TSPAN5: variants seen among roughly 807,000 people sequenced by gnomAD.
TSPAN5 encodes the protein tetraspanin 5.
TSPAN5 carries 10 observed loss-of-function variants against 37.1 expected under a neutral mutation model. That is an observed-to-expected ratio of 0.27 (90% CI 0.17 to 0.46). TSPAN5 has a LOEUF of 0.46. Among genes scored for constraint, TSPAN5 ranks in the 20% least tolerant of loss-of-function variants. The pLI, the probability that TSPAN5 is intolerant of heterozygous loss-of-function variation, is 1.00. For missense variants in TSPAN5, 195 were observed against 326.6 expected, an observed-to-expected ratio of 0.60 and a Z score of 3.11; for synonymous variants, 110 against 118.9, an observed-to-expected ratio of 0.93 and a Z score of 0.48.
chr4:98,487,022 TACTTAAGAGAGGAAAGAAAGAG>T, intron 2 of TSPAN5, 138 bp from the exon 3 acceptor site: 1 of 649,556 alleles, frequency 1.5e-6, no homozygotes, highest in Non-Finnish European at 2.4e-6. Context: ...ATGTGATTAA[TACTTAAGAGAGGAAAGAAAGAG>T]AGAGAGAAAG....
intron 1 of TSPAN5, among the ~76,000 whole-genome samples, chr4:98,556,042 CACACA>C (rs1560535906): frequency 4.4e-5 from 5 of 112,900 alleles, no homozygotes; most frequent in East Asian, 2.7e-4. Flanking sequence ...ACAGCACCCC[CACACA>C]CACACACACA....
chr4:98,610,700 T>C (rs1348089542), intron 1 of TSPAN5, among the ~76,000 whole-genome samples: 1 of 152,142 alleles, frequency 6.6e-6, no homozygotes, highest in Non-Finnish European at 1.5e-5. Context: ...AGGGCTACAG[T>C]AGGAATATAA....
chr4:98,507,830 T>G, intron 1 of TSPAN5, 102 bp from the exon 2 acceptor site: 1 of 804,704 alleles, frequency 1.2e-6, no homozygotes, highest in Non-Finnish European at 2.0e-6. Context: ...GGCTGGGAAA[T>G]AGCTTTTCCT....
At chr4:98,587,612 G>A (rs187711818) in intron 1 of TSPAN5, among the ~76,000 whole-genome samples, 5 of 152,272 alleles carry the variant, frequency 3.3e-5, no homozygotes, top group East Asian at 1.9e-4. Context: ...GGTGCTGGCC[G>A]GGCGCAGTGG....
chr4:98,626,802 G>A (rs1756611127), intron 1 of TSPAN5, among the ~76,000 whole-genome samples: 1 of 149,894 alleles, frequency 6.7e-6, no homozygotes. Context: ...ACTATCTAAT[G>A]ATCTAATGTA....
intron 1 of TSPAN5, among the ~76,000 whole-genome samples, chr4:98,540,117 G>A (rs1017348378): frequency 3.3e-5 from 5 of 152,186 alleles, no homozygotes; most frequent in African/African-American, 1.2e-4. Flanking sequence ...CAAACTATGG[G>A]AGATAAAAGT....
At chr4:98,490,573 T>TG (rs1197348544) in intron 2 of TSPAN5, among the ~76,000 whole-genome samples, 3 of 152,182 alleles carry the variant, frequency 2.0e-5, no homozygotes, top group Non-Finnish European at 4.4e-5. Context: ...TACAGCGTGC[T>TG]GGGGGGAACT....
intron 1 of TSPAN5, among the ~76,000 whole-genome samples, chr4:98,531,101 G>T (rs543314665): frequency 6.6e-6 from 1 of 151,916 alleles, no homozygotes; most frequent in Non-Finnish European, 1.5e-5. Flanking sequence ...TTTAAGTTCC[G>T]GAGTACATGT....
chr4:98,654,477 C>A (rs1331034600), intron 1 of TSPAN5, among the ~76,000 whole-genome samples: 3 of 152,226 alleles, frequency 2.0e-5, no homozygotes, highest in African/African-American at 7.2e-5. Flanking sequence ...TCTCCCTCCC[C>A]CAAACCCAAA....
intron 1 of TSPAN5, among the ~76,000 whole-genome samples, chr4:98,629,788 T>C (rs1228272950): frequency 6.6e-6 from 1 of 152,170 alleles, no homozygotes; most frequent in East Asian, 1.9e-4. Context: ...AAAAAGACTG[T>C]TGCTATTCAC....
chr4:98,632,867 C>G lies in TSPAN5; in HGVS notation c.81+25279G>C, dbSNP rs114060462. 2.6e-5 allele frequency among the ~76,000 whole-genome samples: 4 copies of G among 151,944 alleles called. No individual in the cohort carries two copies. In the South Asian group the frequency reaches 6.2e-4, roughly 24 times the overall value. On this transcript the variant is annotated intron_variant, in intron 1 of 7. Transcript: ENST00000305798. ...GGGCCCTGAAGGAGAAAGCACAGACCGGGAGGATTTGATGCTGCACCAAAA... is the reference window on the plus strand; with the variant it reads ...GGGCCCTGAAGGAGAAAGCACAGACGGGGAGGATTTGATGCTGCACCAAAA...
Position 98,629,532 on chromosome 4 carries a change from C to A in TSPAN5, c.81+28614G>T, listed in dbSNP as rs535557607. On this transcript the variant is annotated intron_variant, in intron 1 of 7. Transcript: ENST00000305798. ...CTCTGCTCTGGTTTGCAGAATGAAG[C>A]AGTCTCCTGGTCTTTTATCCAAAGC... Among the ~76,000 whole-genome samples the A allele has an allele frequency of 8.5e-5, 13 of 152,310 alleles. No individual in the cohort carries two copies. The South Asian group carries it at 2.7e-3, about 32-fold the overall frequency.
At chr4:98,639,174 C>T (rs897770454) in intron 1 of TSPAN5, among the ~76,000 whole-genome samples, 11 of 152,172 alleles carry the variant, frequency 7.2e-5, no homozygotes, top group Non-Finnish European at 1.3e-4. Context: ...ACTATCCTTA[C>T]GGGGTTCTTG....
chr4:98,470,384 T>C lies in TSPAN5; in HGVS notation c.*2138A>G, dbSNP rs1752555033. On this transcript the variant is annotated 3_prime_UTR_variant, in exon 8 of 8. Transcript: ENST00000305798. ...ACACCATGTAAGGTAGAACCAAGTT[T>C]ATTAATGACAGCCTTTATTACAATC... The C allele has an allele frequency of 6.6e-6, 1 of 152,252 alleles. No homozygotes were observed. Among genetic ancestry groups the C allele is most frequent in the South Asian group, 2.1e-4 (1 of 4,832 alleles). 9.4% of individuals were successfully genotyped at this position (152,252 alleles called of 1,614,324 possible).
chr4:98,541,787 TCA>T (rs1754366222), intron 1 of TSPAN5, among the ~76,000 whole-genome samples: 1 of 150,948 alleles, frequency 6.6e-6, no homozygotes. Context: ...GCAAATCACC[TCA>T]CCCATCTGGG....
chr4:98,478,878 G>C (rs1368278115), intron 4 of TSPAN5, 68 bp from the exon 5 acceptor site: 2 of 1,576,328 alleles, frequency 1.3e-6, no homozygotes, highest in South Asian at 2.2e-5. Context: ...ACTCACACCC[G>C]CCGAACGACA....
rs1753626176 is a variant in TSPAN5, at chr4:98,512,309, A to G, written c.82-4581T>C. Reference sequence around the variant, plus strand: ...TCAGAAAATCTGAATCCTTAGCCCAAGACCAAAACTATTATACTTTCCTAA... The same window carrying G: ...TCAGAAAATCTGAATCCTTAGCCCAGGACCAAAACTATTATACTTTCCTAA... On this transcript the variant is annotated intron_variant, in intron 1 of 7. Transcript: ENST00000305798. Among the ~76,000 whole-genome samples the G allele has an allele frequency of 1.3e-5, 2 of 152,242 alleles. 1 individual carries two copies. Among genetic ancestry groups the G allele is most frequent in the South Asian group, 4.1e-4 (2 of 4,834 alleles).
chr4:98,485,720 GA>G (rs1752944524), intron 3 of TSPAN5, among the ~76,000 whole-genome samples: 1 of 146,094 alleles, frequency 6.8e-6, no homozygotes, highest in Non-Finnish European at 1.5e-5. Flanking sequence ...CTGGGGAAGA[GA>G]ATCACACATT....
intron 1 of TSPAN5, among the ~76,000 whole-genome samples, chr4:98,655,178 G>C (rs542148023): frequency 6.6e-6 from 1 of 151,844 alleles, no homozygotes; most frequent in East Asian, 1.9e-4. Flanking sequence ...TTTGTTTTTT[G>C]TTTGTTTGTT....
Sources: allele counts gnomAD v4.1 joint callset (sites outside exome capture counted in the v4.1 genomes callset), GRCh38; gene constraint gnomAD v4.1.1; transcripts MANE v1.5; gene names NCBI Gene and HGNC (gene_info 2026-07-23, HGNC 2026-07-21).